The following DDAH1 variants were observed in gnomAD, a reference collection of about 807,000 sequenced individuals.
DDAH1 encodes dimethylarginine dimethylaminohydrolase 1.
A neutral mutation model predicts 28.8 loss-of-function variants in DDAH1; 19 were observed. The ratio of observed to expected loss-of-function variants is 0.66; its 90% CI spans 0.46 to 0.97. DDAH1 has a LOEUF of 0.97. DDAH1 is among the 50% of genes least tolerant of loss of function. DDAH1 has a pLI of 0.00. For synonymous variants in DDAH1, 153 were observed against 154.4 expected (o/e 0.99, Z 0.07); for missense variants, 326 against 375.9 (o/e 0.87, Z 1.10).
intron 1 of DDAH1, among the ~76,000 whole-genome samples, chr1:85,570,416 C>T (rs1029413992): frequency 1.3e-5 from 2 of 149,786 alleles, no homozygotes; most frequent in Non-Finnish European, 3.0e-5. Context: ...ACTTATCTAA[C>T]ACCTTCTTCA....
intron 1 of DDAH1, among the ~76,000 whole-genome samples, chr1:85,462,070 A>C (rs1021504884): frequency 6.6e-6 from 1 of 152,258 alleles, no homozygotes; most frequent in Non-Finnish European, 1.5e-5. Context: ...AATGCACATC[A>C]TAAATCTGGT....
At chr1:85,548,202 T>C (rs780246137) in intron 1 of DDAH1, among the ~76,000 whole-genome samples, 1 of 152,246 alleles carries the variant, frequency 6.6e-6, no homozygotes, top group Non-Finnish European at 1.5e-5. Flanking sequence ...ATGTATATTT[T>C]AATCAAGCAA....
intron 1 of DDAH1, among the ~76,000 whole-genome samples, chr1:85,387,000 G>T (rs1651300764): frequency 6.6e-6 from 1 of 152,220 alleles, no homozygotes. Flanking sequence ...GTGTCCTGAG[G>T]TGGTATAGGG....
At position 85,464,776 on chromosome 1, in the gene DDAH1, G is replaced by A. The variant is rs764711292; in HGVS notation, c.270C>T (p.Ile90=). 1.9e-6 allele frequency: 3 copies of A among 1,574,290 alleles called. No individual in the cohort carries two copies. The highest frequency in any genetic ancestry group is 2.6e-6 in the Non-Finnish European group (3 of 1,166,618). ...VAVVCEETAL[I]TRPGAPSRRK... Reference sequence around the variant, plus strand: ...TCCGGCTCGGCGCCCCGGGTCGGGTGATGAGGGCCGTCTCCTCGCACACCA... The same window carrying A: ...TCCGGCTCGGCGCCCCGGGTCGGGTAATGAGGGCCGTCTCCTCGCACACCA... The change falls in exon 1 of 6, where the codon ATC becomes ATT. Residue 90 remains isoleucine, a synonymous_variant. Transcript: ENST00000284031. The surrounding 1 kb of genome is among the most constrained non-coding windows in gnomAD (Gnocchi z 4.4).
At chr1:85,450,285 T>G (rs1200474440) in intron 1 of DDAH1, among the ~76,000 whole-genome samples, 4 of 152,200 alleles carry the variant, frequency 2.6e-5, no homozygotes, top group African/African-American at 4.8e-5. Context: ...GCCTGTTGAA[T>G]AAATAAAAGT....
At chr1:85,475,883 AC>A (rs1485603601) in intron 2 of DDAH1, among the ~76,000 whole-genome samples, 2 of 152,034 alleles carry the variant, frequency 1.3e-5, no homozygotes, top group Non-Finnish European at 2.9e-5. Context: ...ACATGGTCTC[AC>A]TCTGTAACCC....
intron 2 of DDAH1, chr1:85,494,073 T>A (rs1656495834): frequency 6.6e-6 from 1 of 152,180 alleles, no homozygotes; most frequent in Non-Finnish European, 1.5e-5. Context: ...AGCAGTTTTT[T>A]CCCCCTTCTG....
At chr1:85,549,578 C>T (rs1340883600) in intron 1 of DDAH1, among the ~76,000 whole-genome samples, 1 of 152,202 alleles carries the variant, frequency 6.6e-6, no homozygotes, top group Non-Finnish European at 1.5e-5. Context: ...TATCTTTTCT[C>T]CTGCTTTCTG....
chr1:85,436,478 G>A (rs1653949653), intron 1 of DDAH1, among the ~76,000 whole-genome samples: 1 of 152,202 alleles, frequency 6.6e-6, no homozygotes, highest in Admixed American at 6.5e-5. Context: ...TAATACGAAT[G>A]TGTTAGAAGA....
At chr1:85,537,688 T>A (rs1467579464) in intron 1 of DDAH1, among the ~76,000 whole-genome samples, 3 of 150,232 alleles carry the variant, frequency 2.0e-5, no homozygotes, top group African/African-American at 7.4e-5. Context: ...CAAACAGTAA[T>A]CATTAAACTT....
In DDAH1 at chr1:85,321,525, A is replaced by C; in HGVS notation, c.785T>G (p.Met262Arg). ...CCCATCCACCTTTTCCAGTTCAGAC[A>C]TGCTCACGGGGATCAGCATATGGTC... ...LKDHMLIPVSMSELEKVDGLL... is the reference protein window; with the variant it reads ...LKDHMLIPVSRSELEKVDGLL... The change falls in exon 6 of 6, where the codon ATG (methionine) becomes AGG (arginine). Residue 262 changes from methionine to arginine, a missense_variant. Transcript: ENST00000284031. The C allele has an allele frequency of 6.2e-7, 1 of 1,614,218 alleles. No homozygotes were observed. The highest frequency in any genetic ancestry group is 8.5e-7 in the Non-Finnish European group (1 of 1,180,016).
chr1:85,374,096 AT>A (rs1401151670), intron 1 of DDAH1, among the ~76,000 whole-genome samples: 2 of 152,098 alleles, frequency 1.3e-5, no homozygotes, highest in Non-Finnish European at 2.9e-5. Context: ...AAACATCCAA[AT>A]ACTAACGTGA....
At position 85,410,576 on chromosome 1, in the gene DDAH1, T is replaced by C. The variant is rs190278102; in HGVS notation, c.304-51729A>G. On this transcript the variant is annotated intron_variant, in intron 1 of 5. Coordinates refer to ENST00000284031, the MANE Select transcript of DDAH1 (RefSeq NM_012137.4). Reference sequence around the variant, plus strand: ...ATCACTTGAACCTGGGAGGTGGAGGTTGTGGTGAGCCGAGATGGCACCATT... The same window carrying C: ...ATCACTTGAACCTGGGAGGTGGAGGCTGTGGTGAGCCGAGATGGCACCATT... 4.8e-3 allele frequency among the ~76,000 whole-genome samples: 712 copies of C among 149,256 alleles called. 2 individuals carry two copies. Among genetic ancestry groups the C allele is most frequent in the African/African-American group, 0.017 (682 of 40,148 alleles).
intron 1 of DDAH1, among the ~76,000 whole-genome samples, chr1:85,394,241 A>C (rs1570478531): frequency 6.6e-6 from 1 of 152,206 alleles, no homozygotes; most frequent in South Asian, 2.1e-4. Context: ...TAATTCCACA[A>C]GACTGGATTA....
intron 1 of DDAH1, among the ~76,000 whole-genome samples, chr1:85,426,051 T>C (rs550570227): frequency 3.3e-5 from 5 of 152,338 alleles, no homozygotes; most frequent in South Asian, 4.1e-4. Flanking sequence ...GCCTCTCTCA[T>C]AGGATTGTTG....
At chr1:85,446,937 C>CT (rs1654455157) in intron 1 of DDAH1, among the ~76,000 whole-genome samples, 1 of 152,278 alleles carries the variant, frequency 6.6e-6, no homozygotes, top group East Asian at 1.9e-4. Context: ...AGACGTGTGT[C>CT]TCACTGAAAG....
chr1:85,354,255 T>TATAACTTAACATTTAA (rs1649374741), intron 2 of DDAH1, among the ~76,000 whole-genome samples: 1 of 152,180 alleles, frequency 6.6e-6, no homozygotes, highest in African/African-American at 2.4e-5. Flanking sequence ...TGCTTCCTCT[T>TATAACTTAACATTTAA]ATAACTTAAC....
chr1:85,432,692 G>A lies in DDAH1; in HGVS notation c.303+32051C>T, dbSNP rs558068828. Among the ~76,000 whole-genome samples, 7 of 152,264 alleles carry A rather than the reference G, an allele frequency of 4.6e-5. No individual in the cohort carries two copies. The South Asian group carries it at 1.0e-3, about 23-fold the overall frequency. On this transcript the variant is annotated intron_variant, in intron 1 of 5. Transcript: ENST00000284031. ...AATATCACATGACTTACTGCAGAAC[G>A]AAACAGAAATGAATCTCAGTTTACT...
chr1:85,350,172 CT>C (rs35046437), intron 4 of DDAH1, among the ~76,000 whole-genome samples: 50,568 of 151,832 alleles, frequency 0.33, 8,580 homozygotes, highest in South Asian at 0.4. Context: ...GAATCATGGC[CT>C]TTTTTTTAGG....
Sources: allele counts gnomAD v4.1 joint callset (sites outside exome capture counted in the v4.1 genomes callset), GRCh38; gene constraint gnomAD v4.1.1; non-coding constraint Gnocchi (gnomAD v3.1); transcripts MANE v1.5; gene names NCBI Gene and HGNC (gene_info 2026-07-23, HGNC 2026-07-21).